The following SEMA3A variants were observed in gnomAD, a reference collection of about 807,000 sequenced individuals.
The protein encoded by SEMA3A is semaphorin-3A.
A neutral mutation model predicts 97.9 loss-of-function variants in SEMA3A; 29 were observed. The observed-to-expected ratio is 0.30, with a 90% confidence interval of 0.22 to 0.40. SEMA3A has a LOEUF of 0.40. Among genes scored for constraint, SEMA3A ranks in the 10% least tolerant of loss-of-function variants. The pLI is 1.00. For missense variants in SEMA3A, 763 were observed against 951.3 expected (o/e 0.80, Z 2.60); for synonymous variants, 321 against 323.7 (o/e 0.99, Z 0.09).
At chr7:84,415,320 A>G (rs2116262225) in intron 1 of SEMA3A, among the ~76,000 whole-genome samples, 1 of 152,244 alleles carries the variant, frequency 6.6e-6, no homozygotes, top group Admixed American at 6.5e-5. Context: ...GCCTAGAACT[A>G]ATGGGTATAC....
At chr7:84,421,600 T>A (rs781167192) in intron 1 of SEMA3A, among the ~76,000 whole-genome samples, 7 of 152,118 alleles carry the variant, frequency 4.6e-5, no homozygotes, top group Non-Finnish European at 5.9e-5. Context: ...GTGCTGGGTT[T>A]CAAAGGGAAC....
intron 1 of SEMA3A, among the ~76,000 whole-genome samples, chr7:84,487,492 G>A (rs551022912): frequency 2.0e-5 from 3 of 152,214 alleles, no homozygotes; most frequent in African/African-American, 4.8e-5. Context: ...ATTCTAGACT[G>A]GTTCCCTGGT....
At chr7:83,963,878 G>T (rs1044423699) in intron 15 of SEMA3A, among the ~76,000 whole-genome samples, 2 of 152,174 alleles carry the variant, frequency 1.3e-5, no homozygotes, top group Non-Finnish European at 2.9e-5. Context: ...AGTGCAGGAA[G>T]TTTATACTAT....
chr7:84,189,543 T>C (rs2116262300), intron 1 of SEMA3A, among the ~76,000 whole-genome samples: 1 of 151,698 alleles, frequency 6.6e-6, no homozygotes, highest in Middle Eastern at 3.4e-3. Flanking sequence ...ATGAGAAAAA[T>C]TGGGATAATT....
chr7:84,172,211 G>A (rs1424828976), intron 1 of SEMA3A, among the ~76,000 whole-genome samples: 1 of 152,060 alleles, frequency 6.6e-6, no homozygotes, highest in Non-Finnish European at 1.5e-5. Flanking sequence ...CACTCCATGT[G>A]CCACATATAT....
intron 4 of SEMA3A, among the ~76,000 whole-genome samples, chr7:84,086,571 T>C (rs1184818443): frequency 1.8e-5 from 1 of 56,890 alleles, no homozygotes; most frequent in African/African-American, 3.5e-5. Flanking sequence ...TTATATTATA[T>C]TTACATATAA....
chr7:84,407,466 G>A (rs1804128498), intron 1 of SEMA3A, among the ~76,000 whole-genome samples: 1 of 152,012 alleles, frequency 6.6e-6, no homozygotes, highest in Non-Finnish European at 1.5e-5. Context: ...TGGTCATACT[G>A]CCCAAGGTAA....
intron 2 of SEMA3A, 29 bp downstream of exon 2, chr7:84,134,765 C>T (rs1796069884): frequency 8.7e-6 from 13 of 1,493,472 alleles, no homozygotes; most frequent in Non-Finnish European, 1.2e-5. Context: ...TTCAAAATAA[C>T]TATAGTGCAT....
At chr7:84,463,307 G>A (rs1028568415) in intron 1 of SEMA3A, among the ~76,000 whole-genome samples, 2 of 138,932 alleles carry the variant, frequency 1.4e-5, no homozygotes, top group African/African-American at 5.5e-5. Flanking sequence ...GGAGTGCAGT[G>A]GCGCAATCTC....
At chr7:84,346,780 G>A (rs1208590935) in intron 2 of SEMA3A, among the ~76,000 whole-genome samples, 1 of 152,204 alleles carries the variant, frequency 6.6e-6, no homozygotes, top group Non-Finnish European at 1.5e-5. Flanking sequence ...TTACCAAAGT[G>A]TGACACAGAG....
At chr7:84,410,602 C>G (rs1344698229) in intron 1 of SEMA3A, among the ~76,000 whole-genome samples, 2 of 152,126 alleles carry the variant, frequency 1.3e-5, no homozygotes, top group African/African-American at 4.8e-5. Context: ...GTAGTTGTGG[C>G]CTTTCAGCAG....
intron 1 of SEMA3A, among the ~76,000 whole-genome samples, chr7:84,419,571 A>G (rs1804530037): frequency 1.3e-5 from 2 of 151,992 alleles, no homozygotes; most frequent in Non-Finnish European, 2.9e-5. Context: ...TAGACTGCCT[A>G]AAGCCTAGGA....
chr7:84,286,130 AC>A (rs1338293214), intron 3 of SEMA3A, among the ~76,000 whole-genome samples: 1 of 152,154 alleles, frequency 6.6e-6, no homozygotes, highest in Non-Finnish European at 1.5e-5. Context: ...TTTAAAATTC[AC>A]CTTCTCTTTC....
intron 1 of SEMA3A, among the ~76,000 whole-genome samples, chr7:84,409,674 T>C (rs1804207267): frequency 6.6e-6 from 1 of 152,124 alleles, no homozygotes; most frequent in Admixed American, 6.6e-5. Context: ...AAAAACTAAT[T>C]TGTGTTTGAT....
rs980501209 is a variant in SEMA3A at position 84,332,956 on chromosome 7, T to C, written c.-168-25664A>G. Among the ~76,000 whole-genome samples, 4 of 152,222 alleles carry C rather than the reference T, an allele frequency of 2.6e-5. No homozygotes were observed. The South Asian group carries it at 8.3e-4, about 32-fold the overall frequency. On this transcript the variant is annotated intron_variant, in intron 2 of 3. Transcript: ENST00000424555. ...GATAAGAAAGAGAAATAATGCAATCTCATTCTATAAAAAGTCATGATTCCA... is the reference window on the plus strand; with the variant it reads ...GATAAGAAAGAGAAATAATGCAATCCCATTCTATAAAAAGTCATGATTCCA...
chr7:84,054,679 C>T (rs987350862), intron 5 of SEMA3A, among the ~76,000 whole-genome samples: 2 of 140,700 alleles, frequency 1.4e-5, no homozygotes, highest in East Asian at 2.1e-4. Flanking sequence ...GTAATTTGAT[C>T]GTCTGAAGCC....
chr7:84,476,396 T>C lies in SEMA3A; in HGVS notation c.-246+16064A>G, dbSNP rs1419642738. Among the ~76,000 whole-genome samples the C allele has an allele frequency of 4.0e-5, 6 of 151,374 alleles. No individual in the cohort carries two copies. In the South Asian group the frequency reaches 1.0e-3, roughly 26 times the overall value. Reference sequence around the variant, plus strand: ...AAGAAAAGAAAAAATTTTTTTTCAATGTGTCTTAGTTGTCGTCTAAATGTA... The same window carrying C: ...AAGAAAAGAAAAAATTTTTTTTCAACGTGTCTTAGTTGTCGTCTAAATGTA... On this transcript the variant is annotated intron_variant, in intron 1 of 3. Coordinates refer to the SEMA3A transcript ENST00000424555.
At chr7:84,086,390 A>G (rs1409529320) in intron 4 of SEMA3A, among the ~76,000 whole-genome samples, 1 of 149,384 alleles carries the variant, frequency 6.7e-6, no homozygotes, top group East Asian at 1.9e-4. Context: ...CGATGATAAC[A>G]TATACACTCT....
chr7:84,404,786 G>T (rs1409356972), intron 1 of SEMA3A, among the ~76,000 whole-genome samples: 3 of 152,046 alleles, frequency 2.0e-5, no homozygotes, highest in South Asian at 2.1e-4. Flanking sequence ...TTCATATCCA[G>T]CCAAACTAAG....
Sources: allele counts gnomAD v4.1 joint callset (sites outside exome capture counted in the v4.1 genomes callset), GRCh38; gene constraint gnomAD v4.1.1; transcripts MANE v1.5; gene names NCBI Gene and HGNC (gene_info 2026-07-23, HGNC 2026-07-21).